Variants in UBR1 observed in about 807,000 individuals in gnomAD.
UBR1 encodes the protein ubiquitin protein ligase E3 component n-recognin 1.
UBR1 carries 102 observed loss-of-function variants against 242.1 expected under a neutral mutation model. That is an observed-to-expected ratio of 0.42 (90% CI 0.36 to 0.50). The LOEUF (loss-of-function observed/expected upper bound fraction) is 0.50. Ranked by LOEUF, UBR1 falls within the 20% of genes least tolerant of loss-of-function variation. The probability of loss-of-function intolerance (pLI) is 0.01; values close to 1 mark genes in which losing one functional copy is unlikely to be tolerated. For missense variants in UBR1, 1,772 were observed against 2,101.8 expected, an observed-to-expected ratio of 0.84 and a Z score of 3.07; for synonymous variants, 675 against 684.8, an observed-to-expected ratio of 0.99 and a Z score of 0.22.
chr15:43,089,451 C>T (rs759143421), intron 1 of UBR1, among the ~76,000 whole-genome samples: 3 of 149,860 alleles, frequency 2.0e-5, no homozygotes, highest in African/African-American at 2.5e-5. Context: ...GCTGAGATTG[C>T]GCCACTGCAT....
chr15:43,008,899 T>C (rs957232907), intron 29 of UBR1, among the ~76,000 whole-genome samples: 1 of 152,034 alleles, frequency 6.6e-6, no homozygotes, highest in African/African-American at 2.4e-5. Flanking sequence ...TGGACACTTG[T>C]TGGGATGACC....
chr15:43,037,924 C>A (rs766840857), intron 16 of UBR1, 41 bp from the exon 17 acceptor site: 2 of 1,555,708 alleles, frequency 1.3e-6, no homozygotes, highest in Non-Finnish European at 1.8e-6. Context: ...TCTCACAGAG[C>A]TTAGATGTGT....
At position 42,944,537 on chromosome 15, in the gene UBR1, A is replaced by G. The variant is rs190560710; in HGVS notation, c.*792T>C. On this transcript the variant is annotated 3_prime_UTR_variant, in exon 47 of 47. Coordinates refer to ENST00000290650, the MANE Select transcript of UBR1 (RefSeq NM_174916.3). ...GAATTACAAGAGGTTTCTGAGAGTC[A>G]AACAGGATGGTGCCACAATCTCCTT... 6.6e-6 allele frequency: 1 copy of G among 152,344 alleles called. No homozygotes were observed. 9.4% of individuals were successfully genotyped at this position (152,344 alleles called of 1,614,324 possible).
At chr15:43,067,139 T>C (rs1220513247) in intron 6 of UBR1, among the ~76,000 whole-genome samples, 1 of 152,218 alleles carries the variant, frequency 6.6e-6, no homozygotes, top group Admixed American at 6.5e-5. Flanking sequence ...AGGGCTTAAA[T>C]GAGATATTAC....
In UBR1 at chr15:43,017,071, T is replaced by C. The variant is rs201441223; in HGVS notation, c.3027+24A>G. The C allele has an allele frequency of 8.3e-6, 13 of 1,565,718 alleles. No homozygotes were observed. The East Asian group carries it at 2.9e-4, about 35-fold the overall frequency. ...AGACAGAGATGAATGTCACCATTAC[T>C]ACAGTGTTATTACAGTGTCATACCT... On this transcript the variant is annotated intron_variant, in intron 28 of 46. Transcript: ENST00000290650.
chr15:43,000,334 T>G (rs933152017), intron 32 of UBR1, among the ~76,000 whole-genome samples: 1 of 152,328 alleles, frequency 6.6e-6, no homozygotes, highest in African/African-American at 2.4e-5. Context: ...AAGGATCAGT[T>G]TTCTGAATTT....
chr15:42,988,442 A>C (rs1281970498), intron 35 of UBR1: 1 of 262,056 alleles, frequency 3.8e-6, no homozygotes, highest in African/African-American at 2.3e-5. Context: ...TTACAGGTGC[A>C]TACCACCACG....
At chr15:43,011,554 G>A (rs1356375941) in intron 29 of UBR1, among the ~76,000 whole-genome samples, 1 of 152,188 alleles carries the variant, frequency 6.6e-6, no homozygotes, top group Non-Finnish European at 1.5e-5. Context: ...GTACTAAATA[G>A]CAATTGGGGA....
rs1311785274 is a variant in UBR1 at position 43,030,488 on chromosome 15, T to G, written c.2255-420A>C. Among the ~76,000 whole-genome samples the G allele has an allele frequency of 2.0e-5, 3 of 152,222 alleles. No homozygotes were observed. In the East Asian group the frequency reaches 5.8e-4, roughly 29 times the overall value. ...TTTTCTTTCAAGATCTTTCTCAATT[T>G]TGTCTCTACTTGTTATTTAACAAAG... On this transcript the variant is annotated intron_variant, in intron 20 of 46. Coordinates refer to ENST00000290650, the MANE Select transcript of UBR1 (RefSeq NM_174916.3).
At chr15:43,025,055 A>G (rs1369654742) in intron 24 of UBR1, 72 bp from the exon 25 acceptor site, 62 of 1,577,724 alleles carry the variant, frequency 3.9e-5, no homozygotes, top group Non-Finnish European at 5.2e-5. Context: ...CCTACATACT[A>G]AAGTGCAAAT....
At position 42,977,896 on chromosome 15, in the gene UBR1, TCTA is replaced by T. The variant is rs1259785006; in HGVS notation, c.4199_4201del (p.Ile1400_Asp1401delinsAsn). 6.2e-7 allele frequency: 1 copy of T among 1,612,906 alleles called. No individual in the cohort carries two copies. Among genetic ancestry groups the T allele is most frequent in the African/African-American group, 1.3e-5 (1 of 74,806 alleles). ...AACACTTACCAAAACATGAAACAGA[TCTA>T]TAGACAGAAGGCATGGTGTATCTTC... is the stretch of plus-strand genomic sequence containing the variant. On this transcript the variant is annotated inframe_deletion, in exon 38 of 47. Transcript: ENST00000290650.
intron 44 of UBR1, among the ~76,000 whole-genome samples, chr15:42,954,930 A>C (rs2031894338): frequency 6.6e-6 from 1 of 151,998 alleles, no homozygotes; most frequent in Non-Finnish European, 1.5e-5. Flanking sequence ...GCACTTTGAG[A>C]GGCTGAAGTG....
intron 14 of UBR1, among the ~76,000 whole-genome samples, chr15:43,045,291 C>T (rs1567135593): frequency 6.6e-6 from 1 of 151,992 alleles, no homozygotes; most frequent in Non-Finnish European, 1.5e-5. Flanking sequence ...GAAACCCTGT[C>T]TCTGCAAAAA....
At chr15:43,058,567 T>G in intron 9 of UBR1, 138 bp from the exon 10 acceptor site, 1 of 607,444 alleles carries the variant, frequency 1.6e-6, no homozygotes, top group Non-Finnish European at 2.9e-6. Flanking sequence ...ATTTATTGTA[T>G]TAATATTTAA....
chr15:43,059,270 G>A, intron 8 of UBR1, 78 bp from the exon 9 acceptor site: 2 of 1,339,246 alleles, frequency 1.5e-6, no homozygotes, highest in Non-Finnish European at 1.1e-6. Context: ...TCACTCTGTT[G>A]CCCAGGTTGG....
intron 4 of UBR1, among the ~76,000 whole-genome samples, chr15:43,072,274 T>C (rs1324503647): frequency 6.6e-6 from 1 of 152,148 alleles, no homozygotes; most frequent in East Asian, 1.9e-4. Flanking sequence ...CTTTAGGATT[T>C]TTCATATACA....
In UBR1 at chr15:43,056,455, A is replaced by C. The variant is rs1327305132; in HGVS notation, c.1183-13T>G. 1 of 1,548,676 alleles carries C rather than the reference A, an allele frequency of 6.5e-7. No individual in the cohort carries two copies. Among genetic ancestry groups the C allele is most frequent in the East Asian group, 2.2e-5 (1 of 44,458 alleles). On this transcript the variant is annotated splice_polypyrimidine_tract_variant and intron_variant, in intron 10 of 46. Coordinates refer to ENST00000290650, the MANE Select transcript of UBR1 (RefSeq NM_174916.3). ...GTTGTTTATAATACTGAAATATATAAGTAGAGAATCAATTATAAATCACTA... is the reference window on the plus strand; with the variant it reads ...GTTGTTTATAATACTGAAATATATACGTAGAGAATCAATTATAAATCACTA...
intron 20 of UBR1, among the ~76,000 whole-genome samples, chr15:43,030,653 C>T (rs1166115172): frequency 1.3e-5 from 2 of 152,084 alleles, no homozygotes; most frequent in East Asian, 3.8e-4. Flanking sequence ...CAATAAACTG[C>T]CAAATGAAGA....
chr15:43,092,667 C>T (rs1322482934), intron 1 of UBR1, among the ~76,000 whole-genome samples: 1 of 152,120 alleles, frequency 6.6e-6, no homozygotes, highest in African/African-American at 2.4e-5. Context: ...GATTCTCCTG[C>T]CTCAGCCTCC....
Sources: gnomAD v4.1 joint callset for allele counts (sites outside exome capture counted in the v4.1 genomes callset) on GRCh38, gnomAD v4.1.1 for gene constraint, MANE v1.5 for transcripts, NCBI Gene and HGNC (gene_info 2026-07-23, HGNC 2026-07-21) for gene names.